CCBE1: variants seen among roughly 807,000 people sequenced by gnomAD.
CCBE1 encodes collagen and calcium-binding EGF domain-containing protein 1.
Under a neutral mutation model 50.0 loss-of-function variants are expected in CCBE1, and 37 were observed. The observed-to-expected ratio is 0.74, with a 90% CI of 0.57 to 0.97. The LOEUF (loss-of-function observed/expected upper bound fraction) is 0.97, where lower values mean the gene tolerates loss of function less well. Ranked by LOEUF, CCBE1 falls within the 50% of genes least tolerant of loss-of-function variation. The pLI, the probability that CCBE1 is intolerant of heterozygous loss-of-function variation, is 0.00. For synonymous variants in CCBE1, 234 were observed against 203.7 expected (o/e 1.15, Z -1.27); for missense variants, 538 against 523.8 (o/e 1.03, Z -0.26).
chr18:59,596,871 C>T (rs2053358983), intron 2 of CCBE1, among the ~76,000 whole-genome samples: 3 of 152,202 alleles, frequency 2.0e-5, no homozygotes, highest in Admixed American at 1.3e-4. Context: ...GTTACAACTT[C>T]CAGACATAAG....
At chr18:59,474,104 T>A (rs1283170406) in intron 3 of CCBE1, among the ~76,000 whole-genome samples, 6 of 152,248 alleles carry the variant, frequency 3.9e-5, no homozygotes, top group Non-Finnish European at 8.8e-5. Context: ...TTCCATGGTG[T>A]ATATGTACCA....
chr18:59,553,184 G>A (rs1915990221), intron 2 of CCBE1, among the ~76,000 whole-genome samples: 1 of 151,766 alleles, frequency 6.6e-6, no homozygotes. Flanking sequence ...AGAAGTCCCT[G>A]TTCTACTCAG....
rs192454292 is a variant in CCBE1 at position 59,588,258 on chromosome 18, C to G, written c.213-108020G>C. On this transcript the variant is annotated intron_variant, in intron 2 of 10. Coordinates refer to ENST00000439986, the MANE Select transcript of CCBE1 (RefSeq NM_133459.4). Reference sequence around the variant, plus strand: ...ATGTGTGCAGACCACATAACCACCACTTGGATTAAGAGGTAAATATTGGCT... The same window carrying G: ...ATGTGTGCAGACCACATAACCACCAGTTGGATTAAGAGGTAAATATTGGCT... Among the ~76,000 whole-genome samples, 476 of 152,274 alleles carry G rather than the reference C, an allele frequency of 3.1e-3. 1 individual carries two copies. Among genetic ancestry groups the G allele is most frequent in the Admixed American group, 7.4e-3 (113 of 15,302 alleles).
chr18:59,648,784 T>C (rs1263442243), intron 2 of CCBE1, among the ~76,000 whole-genome samples: 2 of 152,194 alleles, frequency 1.3e-5, no homozygotes, highest in African/African-American at 4.8e-5. Flanking sequence ...TAGTGATGGG[T>C]GCAGCCTGCA....
intron 2 of CCBE1, among the ~76,000 whole-genome samples, chr18:59,500,413 C>CT (rs1913563219): frequency 6.6e-6 from 1 of 152,310 alleles, no homozygotes; most frequent in Admixed American, 6.5e-5. Flanking sequence ...TTCCCTTTGG[C>CT]TTGTTGGTGT....
At chr18:59,458,335 G>A (rs755253540) in intron 5 of CCBE1, among the ~76,000 whole-genome samples, 14 of 152,242 alleles carry the variant, frequency 9.2e-5, no homozygotes, top group Admixed American at 5.2e-4. Context: ...GAGGATATCT[G>A]TTTAACAATT....
At chr18:59,589,959 AG>A (rs1478120756) in intron 2 of CCBE1, among the ~76,000 whole-genome samples, 1 of 152,180 alleles carries the variant, frequency 6.6e-6, no homozygotes, top group African/African-American at 2.4e-5. Context: ...GCTAAGAAAA[AG>A]CTTCTGACAA....
At chr18:59,590,252 A>C (rs1008292672) in intron 2 of CCBE1, among the ~76,000 whole-genome samples, 2 of 152,238 alleles carry the variant, frequency 1.3e-5, no homozygotes, top group African/African-American at 4.8e-5. Flanking sequence ...AAAACAATGA[A>C]TATCTCCACA....
At chr18:59,691,466 C>A (rs889819734) in intron 2 of CCBE1, among the ~76,000 whole-genome samples, 1 of 152,220 alleles carries the variant, frequency 6.6e-6, no homozygotes, top group Admixed American at 6.5e-5. Flanking sequence ...AGTGCAGTGG[C>A]GTGATCTTGG....
chr18:59,508,470 G>T (rs137955130), intron 2 of CCBE1, among the ~76,000 whole-genome samples: 3,925 of 151,892 alleles, frequency 0.026, 139 homozygotes, highest in African/African-American at 0.085. Context: ...GGTGGCACAT[G>T]CCTGTAGTCC....
intron 2 of CCBE1, among the ~76,000 whole-genome samples, chr18:59,577,430 C>T (rs2053014986): frequency 6.6e-6 from 1 of 152,082 alleles, no homozygotes; most frequent in South Asian, 2.1e-4. Context: ...CTTAAGCTGC[C>T]CCTGATTGAT....
chr18:59,663,632 G>T (rs1224439171), intron 2 of CCBE1, among the ~76,000 whole-genome samples: 1 of 151,952 alleles, frequency 6.6e-6, no homozygotes, highest in Non-Finnish European at 1.5e-5. Flanking sequence ...ACGTTTGGGG[G>T]ACTGTCTCAG....
chr18:59,691,759 G>T (rs896724377), intron 2 of CCBE1, among the ~76,000 whole-genome samples: 1 of 152,166 alleles, frequency 6.6e-6, no homozygotes, highest in African/African-American at 2.4e-5. Flanking sequence ...CCCTGAATGA[G>T]CCAAGTCTTC....
rs563370930 is a variant in CCBE1 at position 59,696,332 on chromosome 18, A to G, written c.212+297T>C. ...GTGTTTGCTATGCCCCACTGTTTAC[A>G]CCCAAAATCCAATCCAATCTCCTTC... On this transcript the variant is annotated intron_variant, in intron 2 of 10. Coordinates refer to ENST00000439986, the MANE Select transcript of CCBE1 (RefSeq NM_133459.4). The G allele has an allele frequency of 2.4e-4, 135 of 553,546 alleles. No individual in the cohort carries two copies. In the East Asian group the frequency reaches 6.0e-3, roughly 25 times the overall value. 34.3% of individuals were successfully genotyped at this position (553,546 alleles called of 1,614,324 possible).
chr18:59,548,203 G>T (rs532996537), intron 2 of CCBE1, among the ~76,000 whole-genome samples: 1 of 152,294 alleles, frequency 6.6e-6, no homozygotes, highest in African/African-American at 2.4e-5. Flanking sequence ...TTGGGGCCAA[G>T]ACTATGCCCC....
chr18:59,500,731 C>A (rs1044712792), intron 2 of CCBE1, among the ~76,000 whole-genome samples: 1 of 152,176 alleles, frequency 6.6e-6, no homozygotes, highest in African/African-American at 2.4e-5. Context: ...GAGTTTGTAA[C>A]CATCGTGGCC....
At chr18:59,661,577 A>G (rs1413173529) in intron 2 of CCBE1, among the ~76,000 whole-genome samples, 1 of 152,218 alleles carries the variant, frequency 6.6e-6, no homozygotes, top group Admixed American at 6.5e-5. Context: ...GGGGAAACAC[A>G]GCGTGAGGTT....
At chr18:59,642,027 G>T (rs1173718458) in intron 2 of CCBE1, among the ~76,000 whole-genome samples, 1 of 152,128 alleles carries the variant, frequency 6.6e-6, no homozygotes, top group Non-Finnish European at 1.5e-5. Flanking sequence ...TATAAACCAT[G>T]AAGGAAAAAG....
intron 2 of CCBE1, chr18:59,696,320 C>A: frequency 2.1e-6 from 1 of 477,562 alleles, no homozygotes; most frequent in Non-Finnish European, 3.7e-6. Context: ...TTTGCTATGC[C>A]CCACTGTTTA....
Sources: allele counts gnomAD v4.1 joint callset (sites outside exome capture counted in the v4.1 genomes callset), GRCh38; gene constraint gnomAD v4.1.1; transcripts MANE v1.5; gene names NCBI Gene and HGNC (gene_info 2026-07-23, HGNC 2026-07-21).